AGPAT1: variants seen among roughly 807,000 people sequenced by gnomAD.
The protein encoded by AGPAT1 is 1-acylglycerol-3-phosphate O-acyltransferase 1, also known as 1-acyl-sn-glycerol-3-phosphate acyltransferase alpha.
A neutral mutation model predicts 31.2 loss-of-function variants in AGPAT1; 6 were observed. That is an observed-to-expected ratio of 0.19 (90% confidence interval 0.11 to 0.38). The LOEUF is 0.38. Ranked by LOEUF, AGPAT1 falls within the 10% of genes least tolerant of loss-of-function variation. AGPAT1 has a pLI of 1.00. For missense variants in AGPAT1, 187 were observed against 377.8 expected (o/e 0.49, Z 4.19); for synonymous variants, 139 against 154.0 (o/e 0.90, Z 0.72).
chr6:32,175,825 AGG>A lies in AGPAT1; in HGVS notation c.-23_-22del. On this transcript the variant is annotated 5_prime_UTR_variant, in exon 1 of 7. Transcript: ENST00000375107. This position sits in a 1 kb window ranked among gnomAD's most constrained non-coding sequence, Gnocchi z 4.5. ...TTTCCCGCCCACACCTCAGAGGGGT[AGG>A]GGGCCTGGGGGGCTGGCCCCCTCCC... The A allele has an allele frequency of 1.0e-6, 1 of 985,680 alleles. No individual in the cohort carries two copies. The allele number at this position is 985,680 out of a possible 1,614,324, so 61.1% of individuals were successfully genotyped here.
chr6:32,169,912 G>T lies in AGPAT1; in HGVS notation c.679+54C>A. 1 of 1,498,038 alleles carries T rather than the reference G, an allele frequency of 6.7e-7. No homozygotes were observed. The highest frequency in any genetic ancestry group is 1.1e-5 in the South Asian group (1 of 87,926). 92.8% of individuals were successfully genotyped at this position (1,498,038 alleles called of 1,614,324 possible). A position where few individuals can be genotyped will look rare whatever the true frequency, so the allele number is the denominator to read the frequency against. On this transcript the variant is annotated intron_variant, in intron 6 of 6. Transcript: ENST00000375107. The surrounding 1 kb of genome is among the most constrained non-coding windows in gnomAD (Gnocchi z 5.9). ...AATGATCCCCCTGCCTCACAGGGAT[G>T]TCCTCCCAGCCTCTCCGGACACACC...
Position 32,171,193 on chromosome 6 carries a change from GTC to G in AGPAT1, c.200+102_200+103del. On this transcript the variant is annotated intron_variant, in intron 2 of 6. Transcript: ENST00000375107. This position sits in a 1 kb window ranked among gnomAD's most constrained non-coding sequence, Gnocchi z 6.9. ...GTCCTCTCCCCATTCCCTGTCTCTG[GTC>G]TCTCTCAGTCTTTTCTACACACACC... 2.5e-6 allele frequency: 4 copies of G among 1,593,744 alleles called. No individual in the cohort carries two copies. The highest frequency in any genetic ancestry group is 3.4e-6 in the Non-Finnish European group (4 of 1,167,760).
Position 32,170,441 on chromosome 6 carries a change from G to A in AGPAT1, c.494C>T (p.Thr165Ile). ...AISVMSEVAQ[T>I]LLTQDVRVWV... ...ATGACTCACGTCCTGGGTGAGCAGG[G>A]TCTGGGCGACCTCAGACATGACACT... is the stretch of plus-strand genomic sequence containing the variant. The change falls in exon 4 of 7, where the codon ACC becomes ATC. Residue 165 changes from threonine to isoleucine, a missense_variant. Physicochemically the swap from Thr to Ile is moderately conservative, Grantham distance 89 (BLOSUM62 -1). Coordinates refer to ENST00000375107, the MANE Select transcript of AGPAT1 (RefSeq NM_006411.4). This position sits in a 1 kb window ranked among gnomAD's most constrained non-coding sequence, Gnocchi z 7.7. The A allele has an allele frequency of 6.2e-7, 1 of 1,613,298 alleles. No individual in the cohort carries two copies. Among genetic ancestry groups the A allele is most frequent in the Non-Finnish European group, 8.5e-7 (1 of 1,180,038 alleles).
chr6:32,170,412 C>T lies in AGPAT1; in HGVS notation c.510+13G>A. On this transcript the variant is annotated intron_variant, in intron 4 of 6. Transcript: ENST00000375107. The surrounding 1 kb of genome is among the most constrained non-coding windows in gnomAD (Gnocchi z 7.7). ...GTATCCCTCCAATCCCCCATTTCCC[C>T]AGGATGACTCACGTCCTGGGTGAGC... 6.2e-7 allele frequency: 1 copy of T among 1,613,680 alleles called. No homozygotes were observed. Among genetic ancestry groups the T allele is most frequent in the Non-Finnish European group, 8.5e-7 (1 of 1,180,038 alleles).
At position 32,171,508 on chromosome 6, in the gene AGPAT1, G is replaced by A; in HGVS notation, c.-9-3C>T. ...GGCCACAAATCCATTCTGGCCACCT[G>A]CAGGGGATGGGGCAAGGGACAATCA... On this transcript the variant is annotated splice_region_variant and splice_polypyrimidine_tract_variant and intron_variant, in intron 1 of 6. Transcript: ENST00000375107. The surrounding 1 kb of genome is among the most constrained non-coding windows in gnomAD (Gnocchi z 6.9). 2 of 1,566,524 alleles carry A rather than the reference G, an allele frequency of 1.3e-6. No homozygotes were observed. The highest frequency in any genetic ancestry group is 8.6e-7 in the Non-Finnish European group (1 of 1,158,656).
chr6:32,168,275 C>A lies in AGPAT1; in HGVS notation c.*1001G>T. 1 of 364,696 alleles carries A rather than the reference C, an allele frequency of 2.7e-6. No individual in the cohort carries two copies. The highest frequency in any genetic ancestry group is 5.0e-6 in the Non-Finnish European group (1 of 199,362). The allele number at this position is 364,696 out of a possible 1,614,324, so 22.6% of individuals were successfully genotyped here. On this transcript the variant is annotated 3_prime_UTR_variant, in exon 7 of 7. Transcript: ENST00000375107. The surrounding 1 kb of genome is among the most constrained non-coding windows in gnomAD (Gnocchi z 4.5). Reference sequence around the variant, plus strand: ...CCAGATAATTAATAAAAACCAACCACGCAAAACTGGGTCCCACCCTCTCCT... The same window carrying A: ...CCAGATAATTAATAAAAACCAACCAAGCAAAACTGGGTCCCACCCTCTCCT...
chr6:32,169,882 CA>C lies in AGPAT1; in HGVS notation c.679+83del, dbSNP rs1784908378. The stretch of plus-strand genomic sequence containing the variant: ...CTGTGTAGACATCTCATGGCTCTGA[CA>C]CTGAATGATCCCCCTGCCTCACAGG... On this transcript the variant is annotated intron_variant, in intron 6 of 6. Transcript: ENST00000375107. The surrounding 1 kb of genome is among the most constrained non-coding windows in gnomAD (Gnocchi z 5.9). 7 of 1,259,728 alleles carry C rather than the reference CA, an allele frequency of 5.6e-6. No homozygotes were observed. The highest frequency in any genetic ancestry group is 5.7e-6 in the Non-Finnish European group (5 of 873,174). The allele number at this position is 1,259,728 out of a possible 1,614,324, so 78.0% of individuals were successfully genotyped here.
Position 32,169,544 on chromosome 6 carries a change from G to T in AGPAT1, c.680-96C>A. On this transcript the variant is annotated intron_variant, in intron 6 of 6. Coordinates refer to ENST00000375107, the MANE Select transcript of AGPAT1 (RefSeq NM_006411.4). This position sits in a 1 kb window ranked among gnomAD's most constrained non-coding sequence, Gnocchi z 5.9. The stretch of plus-strand genomic sequence containing the variant: ...AGTGATACTCTTCCTCAACCTTTCA[G>T]TTCTCTTCCCCCAACCCTGGACAAC... 1 of 1,453,104 alleles carries T rather than the reference G, an allele frequency of 6.9e-7. No individual in the cohort carries two copies. 90.0% of individuals were successfully genotyped at this position (1,453,104 alleles called of 1,614,324 possible).
Position 32,170,761 on chromosome 6 carries a change from A to G in AGPAT1, c.335-161T>C, listed in dbSNP as rs539767116. The G allele has an allele frequency of 8.8e-4, 1,096 of 1,243,372 alleles. 5 individuals carry two copies. The highest frequency in any genetic ancestry group is 1.2e-3 in the Non-Finnish European group (1,021 of 869,920). 77.0% of individuals were successfully genotyped at this position (1,243,372 alleles called of 1,614,324 possible). A position where few individuals can be genotyped will look rare whatever the true frequency, so the allele number is the denominator to read the frequency against. On this transcript the variant is annotated intron_variant, in intron 3 of 6. Coordinates refer to ENST00000375107, the MANE Select transcript of AGPAT1 (RefSeq NM_006411.4). This position sits in a 1 kb window ranked among gnomAD's most constrained non-coding sequence, Gnocchi z 7.7. ...AGTGAAGGAAAGGGTGACCAAAAGT[A>G]TATGTAACCTGCTTATGAGGGCAGT...
chr6:32,169,178 G>C lies in AGPAT1; in HGVS notation c.*98C>G. Reference sequence around the variant, plus strand: ...GAGGAGAATAAGTGGGGAGAGGGGAGACAAGGAAGAGGGTTTGGCCCTGCT... The same window carrying C: ...GAGGAGAATAAGTGGGGAGAGGGGACACAAGGAAGAGGGTTTGGCCCTGCT... On this transcript the variant is annotated 3_prime_UTR_variant, in exon 7 of 7. Transcript: ENST00000375107. This position sits in a 1 kb window ranked among gnomAD's most constrained non-coding sequence, Gnocchi z 5.9. 1 of 1,298,872 alleles carries C rather than the reference G, an allele frequency of 7.7e-7. No homozygotes were observed. 80.5% of individuals were successfully genotyped at this position (1,298,872 alleles called of 1,614,324 possible). A position where few individuals can be genotyped will look rare whatever the true frequency, so the allele number is the denominator to read the frequency against.
Position 32,170,837 on chromosome 6 carries a change from G to A in AGPAT1, c.334+100C>T, listed in dbSNP as rs1436343752. On this transcript the variant is annotated intron_variant, in intron 3 of 6. Coordinates refer to ENST00000375107, the MANE Select transcript of AGPAT1 (RefSeq NM_006411.4). This position sits in a 1 kb window ranked among gnomAD's most constrained non-coding sequence, Gnocchi z 7.7. Reference sequence around the variant, plus strand: ...TGGGAGGCAAGGGGGCAATGTCCCAGAGGAAGGGGAATTGAGGATCTCTAG... The same window carrying A: ...TGGGAGGCAAGGGGGCAATGTCCCAAAGGAAGGGGAATTGAGGATCTCTAG... The A allele has an allele frequency of 2.0e-6, 3 of 1,473,170 alleles. No homozygotes were observed. 91.3% of individuals were successfully genotyped at this position (1,473,170 alleles called of 1,614,324 possible).
Position 32,171,097 on chromosome 6 carries a change from G to C in AGPAT1, c.201-27C>G, listed in dbSNP as rs1264188177. The C allele has an allele frequency of 3.7e-6, 6 of 1,605,276 alleles. No homozygotes were observed. The highest frequency in any genetic ancestry group is 5.1e-6 in the Non-Finnish European group (6 of 1,174,320). On this transcript the variant is annotated intron_variant, in intron 2 of 6. Transcript: ENST00000375107. This position sits in a 1 kb window ranked among gnomAD's most constrained non-coding sequence, Gnocchi z 6.9. ...TGTGGGGTCATGGCAAGGGGTCCCAGTGGGATCCATTGATGTCCATCTGCA... is the reference window on the plus strand; with the variant it reads ...TGTGGGGTCATGGCAAGGGGTCCCACTGGGATCCATTGATGTCCATCTGCA...
upstream of AGPAT1, chr6:32,176,952 C>A (rs1486777158): frequency 3.5e-5 from 14 of 398,440 alleles, no homozygotes; most frequent in Non-Finnish European, 5.8e-5. Context: ...TTTCCACCCC[C>A]TCTTCTCTTC....
In AGPAT1 at chr6:32,170,198, T is replaced by C; in HGVS notation, c.573A>G (p.Lys191=). 1.2e-6 allele frequency: 2 copies of C among 1,614,042 alleles called. No individual in the cohort carries two copies. Among genetic ancestry groups the C allele is most frequent in the Non-Finnish European group, 1.7e-6 (2 of 1,180,008 alleles). The change falls in exon 5 of 7, where the codon AAA becomes AAG. Residue 191 remains lysine (K), a synonymous_variant. Coordinates refer to ENST00000375107, the MANE Select transcript of AGPAT1 (RefSeq NM_006411.4). The surrounding 1 kb of genome is among the most constrained non-coding windows in gnomAD (Gnocchi z 7.7). Reference sequence around the variant, plus strand: ...GCACTGCAAGATGGAAGGCGCCACGTTTGAAGGGCAGCATGGAGCCATTGT... The same window carrying C: ...GCACTGCAAGATGGAAGGCGCCACGCTTGAAGGGCAGCATGGAGCCATTGT... ...RNHNGSMLPF[K]RGAFHLAVQA... is the part of the protein sequence containing the mutation.
At chr6:32,177,392 C>G (rs1452768531), upstream of AGPAT1, 36 of 299,022 alleles carry the variant, frequency 1.2e-4, no homozygotes, top group Non-Finnish European at 2.4e-5. Context: ...AAGGGGCGGG[C>G]TTTGTCCCTT....
In AGPAT1 at chr6:32,169,112, G is replaced by C. The variant is rs1301663605; in HGVS notation, c.*164C>G. On this transcript the variant is annotated 3_prime_UTR_variant, in exon 7 of 7. Transcript: ENST00000375107. This position sits in a 1 kb window ranked among gnomAD's most constrained non-coding sequence, Gnocchi z 5.9. ...ATGGGGCCAAGAGGGGGCAGGAGTG[G>C]CGCTGTATCCACATTCACTTCAGAA... 3 of 752,322 alleles carry C rather than the reference G, an allele frequency of 4.0e-6. No homozygotes were observed. Among genetic ancestry groups the C allele is most frequent in the South Asian group, 3.6e-5 (2 of 54,838 alleles). 46.6% of individuals were successfully genotyped at this position (752,322 alleles called of 1,614,324 possible).
chr6:32,169,646 TCTC>T lies in AGPAT1; in HGVS notation c.680-201_680-199del. ...CCTTCTCCAATCCCCAGTTCAGACA[TCTC>T]CTCAGCACCCCTCCAGCCCCCCTCC... On this transcript the variant is annotated intron_variant, in intron 6 of 6. Transcript: ENST00000375107. The surrounding 1 kb of genome is among the most constrained non-coding windows in gnomAD (Gnocchi z 5.9). The T allele has an allele frequency of 4.5e-6, 3 of 668,468 alleles. No homozygotes were observed. The highest frequency in any genetic ancestry group is 2.7e-5 in the East Asian group (1 of 36,656). 41.4% of individuals were successfully genotyped at this position (668,468 alleles called of 1,614,324 possible).
upstream of AGPAT1, chr6:32,177,465 T>C: frequency 5.1e-6 from 1 of 194,802 alleles, no homozygotes. Context: ...AAAACGGAGT[T>C]GAAGTCAATC....
chr6:32,171,358 A>G lies in AGPAT1; in HGVS notation c.139T>C (p.Phe47Leu), dbSNP rs780487704. ...KMAFYNGWIL[F>L]LAVLAIPVCA... ...ACAGGGATGGCGAGCACAGCCAGGA[A>G]GAGGATCCAGCCATTGTAGAAGGCC... The change falls in exon 2 of 7, where the codon TTC (phenylalanine) becomes CTC (leucine). Residue 47 changes from phenylalanine to leucine, a missense_variant. Physicochemically the swap from Phe to Leu is conservative, Grantham distance 22. Around this residue, in one of 3 missense-constraint regions of AGPAT1, gnomAD observed 45 missense variants for 60.9 expected, o/e 0.74. Coordinates refer to ENST00000375107, the MANE Select transcript of AGPAT1 (RefSeq NM_006411.4). The surrounding 1 kb of genome is among the most constrained non-coding windows in gnomAD (Gnocchi z 6.9). 40 of 1,613,054 alleles carry G rather than the reference A, an allele frequency of 2.5e-5. No homozygotes were observed. The highest frequency in any genetic ancestry group is 3.3e-5 in the Non-Finnish European group (39 of 1,180,044).
Sources: allele counts gnomAD v4.1 joint callset, GRCh38; gene constraint gnomAD v4.1.1; regional missense constraint gnomAD v4.1.1; non-coding constraint Gnocchi (gnomAD v3.1); transcripts MANE v1.5; gene names NCBI Gene and HGNC (gene_info 2026-07-23, HGNC 2026-07-21).